PTPRM: variants seen among roughly 807,000 people sequenced by gnomAD.
PTPRM encodes the protein protein tyrosine phosphatase receptor type M.
In PTPRM, 47 loss-of-function variants were observed where a neutral mutation model predicts 186.7. The ratio of observed to expected loss-of-function variants is 0.25; its 90% CI spans 0.20 to 0.32. PTPRM has a LOEUF of 0.32. Ranked by LOEUF, PTPRM falls within the 10% of genes least tolerant of loss-of-function variation. The pLI is 1.00. For missense variants in PTPRM, 1,494 were observed against 1,865.0 expected (o/e 0.80, Z 3.66); for synonymous variants, 668 against 674.9 (o/e 0.99, Z 0.16).
chr18:7,829,724 T>C (rs1485594079), intron 2 of PTPRM, among the ~76,000 whole-genome samples: 1 of 152,188 alleles, frequency 6.6e-6, no homozygotes, highest in Non-Finnish European at 1.5e-5. Context: ...TTTCATGTGG[T>C]ACTTCCAAAA....
chr18:7,994,420 C>T (rs151119754), intron 7 of PTPRM, among the ~76,000 whole-genome samples: 1 of 152,126 alleles, frequency 6.6e-6, no homozygotes, highest in East Asian at 1.9e-4. Flanking sequence ...AGATAGATAA[C>T]CTAGATAGAA....
chr18:7,659,929 G>C (rs574675237), intron 1 of PTPRM, among the ~76,000 whole-genome samples: 1 of 152,324 alleles, frequency 6.6e-6, no homozygotes, highest in South Asian at 2.1e-4. Flanking sequence ...TTCCCACTCT[G>C]TTGGGTTCAG....
Position 8,204,095 on chromosome 18 carries a change from G to A in PTPRM, c.2301-39963G>A, listed in dbSNP as rs140883760. ...ACCCAAGAAATTCAAATCACTTGAT[G>A]TCAAAGGATCTAAACAGAGATTGCA... On this transcript the variant is annotated intron_variant, in intron 14 of 32. Coordinates refer to ENST00000580170, the MANE Select transcript of PTPRM (RefSeq NM_001105244.2). Among the ~76,000 whole-genome samples the A allele has an allele frequency of 1.7e-3, 265 of 152,308 alleles. 1 individual carries two copies. The highest frequency in any genetic ancestry group is 6.0e-3 in the African/African-American group (251 of 41,574).
intron 5 of PTPRM, among the ~76,000 whole-genome samples, chr18:7,936,581 C>T (rs2051825688): frequency 1.3e-5 from 2 of 152,214 alleles, no homozygotes; most frequent in African/African-American, 4.8e-5. Context: ...CAGTTTGGCA[C>T]TGGCCTGCAG....
rs1370670856 is a variant in PTPRM, at chr18:7,568,713, AGTGTGTGCGC to A, written c.73+831_73+840del. Reference sequence around the variant, plus strand: ...CTGGCGGTGTGCGAGCAAGCGTGTGAGTGTGTGCGCGTGTGTGCCTGCACGCGCGCGCGGG... The same window carrying A: ...CTGGCGGTGTGCGAGCAAGCGTGTGAGTGTGTGCCTGCACGCGCGCGCGGG... On this transcript the variant is annotated intron_variant, in intron 1 of 32. Transcript: ENST00000580170. This position sits in a 1 kb window ranked among gnomAD's most constrained non-coding sequence, Gnocchi z 5.1. Among the ~76,000 whole-genome samples, 3 of 152,038 alleles carry A rather than the reference AGTGTGTGCGC, an allele frequency of 2.0e-5. No individual in the cohort carries two copies. The highest frequency in any genetic ancestry group is 4.4e-5 in the Non-Finnish European group (3 of 67,990).
rs148513081 is a variant in PTPRM, at chr18:8,053,450, G to A, written c.1133-16236G>A. On this transcript the variant is annotated intron_variant, in intron 7 of 32. Transcript: ENST00000580170. ...GAATCCACTTCTCCTAGCACCACTTGTGTTTCCCCCAGGAATCAGAAACAC... is the reference window on the plus strand; with the variant it reads ...GAATCCACTTCTCCTAGCACCACTTATGTTTCCCCCAGGAATCAGAAACAC... Among the ~76,000 whole-genome samples, 691 of 152,136 alleles carry A rather than the reference G, an allele frequency of 4.5e-3. 3 individuals are homozygous for A. Among genetic ancestry groups the A allele is most frequent in the Middle Eastern group, 6.8e-3 (2 of 294 alleles).
intron 2 of PTPRM, among the ~76,000 whole-genome samples, chr18:7,858,367 G>A (rs1349531530): frequency 6.6e-6 from 1 of 151,970 alleles, no homozygotes; most frequent in East Asian, 1.9e-4. Flanking sequence ...GACCAGCCTG[G>A]GCAACATGGC....
rs564751597 is a variant in PTPRM at position 7,752,255 on chromosome 18, G to A, written c.74-21894G>A. ...CTGCTATATGTGTGTTTGTGTCTTC[G>A]GGATCTGATCATCTTTGAGGTATGA... On this transcript the variant is annotated intron_variant, in intron 1 of 32. Coordinates refer to ENST00000580170, the MANE Select transcript of PTPRM (RefSeq NM_001105244.2). 3.9e-5 allele frequency among the ~76,000 whole-genome samples: 6 copies of A among 152,122 alleles called. No individual in the cohort carries two copies. The South Asian group carries it at 1.0e-3, about 26-fold the overall frequency.
intron 13 of PTPRM, among the ~76,000 whole-genome samples, chr18:8,136,929 TCACA>T (rs993640774): frequency 6.6e-6 from 1 of 152,100 alleles, no homozygotes; most frequent in Non-Finnish European, 1.5e-5. Flanking sequence ...CTGCATATGT[TCACA>T]CACACACAAA....
chr18:8,188,272 C>A (rs1339475427), intron 14 of PTPRM, among the ~76,000 whole-genome samples: 1 of 152,194 alleles, frequency 6.6e-6, no homozygotes, highest in East Asian at 1.9e-4. Context: ...AAGGCTCCTC[C>A]CATACTGTGG....
intron 1 of PTPRM, among the ~76,000 whole-genome samples, chr18:7,632,877 A>G (rs977795603): frequency 4.6e-5 from 7 of 152,220 alleles, no homozygotes; most frequent in African/African-American, 1.4e-4. Flanking sequence ...TCAGTGCCCT[A>G]AATAGTCTTA....
chr18:8,285,820 C>T (rs747461077), intron 19 of PTPRM, among the ~76,000 whole-genome samples: 13 of 151,942 alleles, frequency 8.6e-5, no homozygotes, highest in East Asian at 3.9e-4. Flanking sequence ...GATGAAAACC[C>T]GTGTCTATAA....
intron 2 of PTPRM, among the ~76,000 whole-genome samples, chr18:7,886,371 C>T (rs2048787311): frequency 6.6e-6 from 1 of 152,180 alleles, no homozygotes; most frequent in East Asian, 1.9e-4. Flanking sequence ...TTCTCTGCCC[C>T]TCTTTCTTAA....
chr18:8,295,470 T>A (rs2147873126), intron 19 of PTPRM, among the ~76,000 whole-genome samples: 1 of 152,186 alleles, frequency 6.6e-6, no homozygotes, highest in African/African-American at 2.4e-5. Context: ...TAATGCCATG[T>A]TCTCTGGCCC....
At chr18:8,109,752 G>T (rs1439987667) in intron 11 of PTPRM, among the ~76,000 whole-genome samples, 3 of 152,136 alleles carry the variant, frequency 2.0e-5, no homozygotes, top group South Asian at 2.1e-4. Flanking sequence ...AAAAAAATTT[G>T]TTGAAATAAT....
At chr18:8,293,835 A>C (rs2095066388) in intron 19 of PTPRM, among the ~76,000 whole-genome samples, 1 of 152,218 alleles carries the variant, frequency 6.6e-6, no homozygotes, top group Non-Finnish European at 1.5e-5. Flanking sequence ...TCAACTAGCG[A>C]TTTTTAATGA....
chr18:7,636,327 T>C (rs1018058919), intron 1 of PTPRM, among the ~76,000 whole-genome samples: 5 of 152,160 alleles, frequency 3.3e-5, no homozygotes, highest in African/African-American at 4.8e-5. Context: ...CAGGCCTCCA[T>C]TGGGTTCTCC....
intron 13 of PTPRM, among the ~76,000 whole-genome samples, chr18:8,123,001 G>T (rs2092229086): frequency 6.6e-6 from 1 of 152,174 alleles, no homozygotes; most frequent in Admixed American, 6.5e-5. Context: ...GAGTTGAACT[G>T]TGCTTCCTTA....
chr18:8,204,333 G>A lies in PTPRM; in HGVS notation c.2301-39725G>A, dbSNP rs144804321. Among the ~76,000 whole-genome samples, 241 of 152,200 alleles carry A rather than the reference G, an allele frequency of 1.6e-3. 2 individuals carry two copies. Among genetic ancestry groups the A allele is most frequent in the Middle Eastern group, 3.4e-3 (1 of 294 alleles). ...TGTGTGTGTTCAGTTGTGTGGGGAA[G>A]TGAATTGAGTCTTAACATTTTGAAG... On this transcript the variant is annotated intron_variant, in intron 14 of 32. Transcript: ENST00000580170.
Sources: allele counts gnomAD v4.1 joint callset (sites outside exome capture counted in the v4.1 genomes callset), GRCh38; gene constraint gnomAD v4.1.1; non-coding constraint Gnocchi (gnomAD v3.1); transcripts MANE v1.5; gene names NCBI Gene and HGNC (gene_info 2026-07-23, HGNC 2026-07-21).